The following RERE variants were observed in gnomAD, a reference collection of about 807,000 sequenced individuals.
RERE encodes the protein arginine-glutamic acid dipeptide repeats.
Under a neutral mutation model 146.1 loss-of-function variants are expected in RERE, and 40 were observed. The observed-to-expected ratio is 0.27, with a 90% CI of 0.21 to 0.36. The LOEUF (loss-of-function observed/expected upper bound fraction) is 0.36. Ranked by LOEUF, RERE falls within the 10% of genes least tolerant of loss-of-function variation. The probability of loss-of-function intolerance (pLI) is 1.00; values close to 1 mark genes in which losing one functional copy is unlikely to be tolerated. For synonymous variants in RERE, 1,003 were observed against 866.0 expected (o/e 1.16, Z -2.78); for missense variants, 1,933 against 2,138.7 (o/e 0.90, Z 1.90).
intron 8 of RERE, among the ~76,000 whole-genome samples, chr1:8,506,167 T>C (rs975412005): frequency 1.3e-5 from 2 of 152,002 alleles, no homozygotes; most frequent in Non-Finnish European, 1.5e-5. Flanking sequence ...CAAGAGAAAG[T>C]AGAGAATGGG....
At chr1:8,568,561 T>G (rs1557690504) in intron 4 of RERE, among the ~76,000 whole-genome samples, 2 of 152,212 alleles carry the variant, frequency 1.3e-5, no homozygotes, top group African/African-American at 2.4e-5. Context: ...GAGTCTCTTA[T>G]AAAAACCAGG....
chr1:8,457,091 T>C (rs1644461193), intron 11 of RERE, among the ~76,000 whole-genome samples: 1 of 152,086 alleles, frequency 6.6e-6, no homozygotes, highest in African/African-American at 2.4e-5. Flanking sequence ...AAAGAATGAA[T>C]GAATTTCAAC....
At chr1:8,431,918 C>T (rs546135773) in intron 11 of RERE, among the ~76,000 whole-genome samples, 2 of 152,282 alleles carry the variant, frequency 1.3e-5, no homozygotes, top group South Asian at 4.1e-4. Context: ...CCCACTCCTT[C>T]CATCAGTCAC....
intron 1 of RERE, among the ~76,000 whole-genome samples, chr1:8,795,365 G>A (rs1273553856): frequency 3.3e-5 from 5 of 150,004 alleles, no homozygotes; most frequent in Non-Finnish European, 4.4e-5. Context: ...AGTTTTCTAC[G>A]TTGCCCAGGC....
At chr1:8,731,222 A>AC (rs1640072485) in intron 1 of RERE, among the ~76,000 whole-genome samples, 1 of 152,136 alleles carries the variant, frequency 6.6e-6, no homozygotes, top group South Asian at 2.1e-4. Context: ...CTTAAGAGGG[A>AC]CCTATATAGC....
intron 12 of RERE, among the ~76,000 whole-genome samples, chr1:8,388,696 T>A (rs1642773909): frequency 6.6e-6 from 1 of 152,230 alleles, no homozygotes; most frequent in Admixed American, 6.5e-5. Context: ...AAATGCTATA[T>A]TCTTTTGTAA....
intron 1 of RERE, among the ~76,000 whole-genome samples, chr1:8,705,573 A>T (rs751180868): frequency 5.3e-5 from 8 of 152,010 alleles, no homozygotes; most frequent in Non-Finnish European, 1.0e-4. Flanking sequence ...CACAGCATTG[A>T]TCTCCGTTTG....
chr1:8,627,593 G>A (rs535212715), intron 2 of RERE, among the ~76,000 whole-genome samples: 125 of 97,226 alleles, frequency 1.3e-3, no homozygotes, highest in Non-Finnish European at 1.2e-3. Context: ...CAGTGAAACT[G>A]TCTCAAAAAA....
intron 1 of RERE, among the ~76,000 whole-genome samples, chr1:8,775,053 C>T (rs1453526934): frequency 2.1e-5 from 3 of 145,378 alleles, no homozygotes; most frequent in African/African-American, 5.1e-5. Context: ...CTCCACTTCC[C>T]GGGTTCAAGC....
At chr1:8,790,480 G>C (rs559977290) in intron 1 of RERE, among the ~76,000 whole-genome samples, 2 of 152,268 alleles carry the variant, frequency 1.3e-5, no homozygotes, top group South Asian at 4.1e-4. Flanking sequence ...GTTTAATAAA[G>C]CTCCAAGGTA....
At chr1:8,729,585 A>C (rs543479394) in intron 1 of RERE, among the ~76,000 whole-genome samples, 1 of 152,186 alleles carries the variant, frequency 6.6e-6, no homozygotes, top group African/African-American at 2.4e-5. Flanking sequence ...AGAGTTCCAT[A>C]CTTGAAACAG....
At chr1:8,719,064 G>C (rs933801137) in intron 1 of RERE, among the ~76,000 whole-genome samples, 1 of 152,144 alleles carries the variant, frequency 6.6e-6, no homozygotes, top group Non-Finnish European at 1.5e-5. Context: ...CTAAAAAAAA[G>C]AAACAGGCAG....
At chr1:8,634,854 G>A (rs1203762450) in intron 2 of RERE, among the ~76,000 whole-genome samples, 1 of 152,146 alleles carries the variant, frequency 6.6e-6, no homozygotes, top group Non-Finnish European at 1.5e-5. Flanking sequence ...TCCTACCTCA[G>A]CCTCATGAGT....
intron 21 of RERE, among the ~76,000 whole-genome samples, 172 bp from the exon 22 acceptor site, chr1:8,355,771 C>A (rs991526364): frequency 2.0e-5 from 3 of 152,126 alleles, no homozygotes; most frequent in Non-Finnish European, 4.4e-5. Flanking sequence ...TCTGGGGAGG[C>A]AGGAGGTGCC....
chr1:8,375,059 C>T (rs1185820783), intron 12 of RERE, among the ~76,000 whole-genome samples: 1 of 152,038 alleles, frequency 6.6e-6, no homozygotes, highest in Admixed American at 6.6e-5. Flanking sequence ...CACAGACAGG[C>T]TTCCCTGTGC....
At chr1:8,607,534 C>CT (rs1167501074) in intron 4 of RERE, among the ~76,000 whole-genome samples, 1,205 of 48,522 alleles carry the variant, frequency 0.025, 259 homozygotes, top group Admixed American at 0.065. Context: ...ATATATATTT[C>CT]TTTTTTTTTT....
intron 4 of RERE, among the ~76,000 whole-genome samples, chr1:8,588,604 C>G (rs1478648208): frequency 6.6e-6 from 1 of 152,194 alleles, no homozygotes; most frequent in African/African-American, 2.4e-5. Flanking sequence ...GGCCCAAATT[C>G]TGTCAGTAAC....
chr1:8,658,869 C>T (rs934849717), intron 1 of RERE, among the ~76,000 whole-genome samples: 5 of 152,122 alleles, frequency 3.3e-5, no homozygotes, highest in African/African-American at 9.7e-5. Context: ...AACCTCTTAC[C>T]AGAAAAGACC....
chr1:8,448,785 C>T (rs1448133678), intron 11 of RERE, among the ~76,000 whole-genome samples: 24 of 151,998 alleles, frequency 1.6e-4, no homozygotes, highest in African/African-American at 5.8e-4. Flanking sequence ...GCCGAGATCA[C>T]GCCACTGCAC....
Sources: gnomAD v4.1 joint callset for allele counts (sites outside exome capture counted in the v4.1 genomes callset) on GRCh38, gnomAD v4.1.1 for gene constraint, MANE v1.5 for transcripts, NCBI Gene and HGNC (gene_info 2026-07-23, HGNC 2026-07-21) for gene names.